The following EPB41L1 variants were observed in gnomAD, a reference collection of about 807,000 sequenced individuals.
The protein encoded by EPB41L1 is erythrocyte membrane protein band 4.1 like 1.
A neutral mutation model predicts 97.8 loss-of-function variants in EPB41L1; 29 were observed. The observed-to-expected ratio is 0.30, with a 90% CI of 0.22 to 0.40. The LOEUF (loss-of-function observed/expected upper bound fraction) is 0.40, where lower values mean the gene tolerates loss of function less well. Among genes scored for constraint, EPB41L1 ranks in the 10% least tolerant of loss-of-function variants. The probability of loss-of-function intolerance (pLI) is 1.00; values close to 1 mark genes in which losing one functional copy is unlikely to be tolerated. For missense variants in EPB41L1, 812 were observed against 1,162.3 expected, an observed-to-expected ratio of 0.70 and a Z score of 4.38; for synonymous variants, 383 against 459.2, an observed-to-expected ratio of 0.83 and a Z score of 2.12.
At chr20:36,220,447 C>G (rs1013129093) in intron 19 of EPB41L1, among the ~76,000 whole-genome samples, 16 of 152,062 alleles carry the variant, frequency 1.1e-4, no homozygotes, top group Non-Finnish European at 2.2e-4. Context: ...TTAGGTTGCA[C>G]TGGGGGCAGG....
intron 1 of EPB41L1, among the ~76,000 whole-genome samples, chr20:36,097,026 G>T (rs1438158921): frequency 6.6e-6 from 1 of 152,246 alleles, no homozygotes; most frequent in Non-Finnish European, 1.5e-5. Flanking sequence ...CCCATGCTGG[G>T]CTCTGCTCTA....
intron 1 of EPB41L1, chr20:36,109,632 G>A (rs941980040): frequency 9.9e-5 from 15 of 152,160 alleles, no homozygotes; most frequent in African/African-American, 3.6e-4. Context: ...GGGATTTGGG[G>A]CTGCTTTGTA....
intron 19 of EPB41L1, among the ~76,000 whole-genome samples, chr20:36,221,359 A>G (rs1337217191): frequency 1.3e-5 from 2 of 152,222 alleles, no homozygotes; most frequent in African/African-American, 4.8e-5. Context: ...CATTTCATTC[A>G]TGTGTTCATT....
In EPB41L1 at chr20:36,138,187, A is replaced by T. The variant is rs141306790; in HGVS notation, c.-10+25707A>T. Among the ~76,000 whole-genome samples, 7 of 151,918 alleles carry T rather than the reference A, an allele frequency of 4.6e-5. No homozygotes were observed. In the East Asian group the frequency reaches 1.4e-3, roughly 29 times the overall value. ...CTGCTATGGCCTTGGCTGTACAGAG[A>T]TCTCTTTGACACCTTGCTTTCAATT... On this transcript the variant is annotated intron_variant, in intron 2 of 19. Coordinates refer to the EPB41L1 transcript ENST00000202028.
At chr20:36,136,484 T>G (rs2059421611) in intron 2 of EPB41L1, among the ~76,000 whole-genome samples, 1 of 152,062 alleles carries the variant, frequency 6.6e-6, no homozygotes, top group Admixed American at 6.6e-5. Context: ...CTGGTCCATC[T>G]TAACCATTTT....
At position 36,207,921 on chromosome 20, in the gene EPB41L1, G is replaced by T; in HGVS notation, c.1669-1567G>T. 1 of 992,570 alleles carries T rather than the reference G, an allele frequency of 1.0e-6. No individual in the cohort carries two copies. Among genetic ancestry groups the T allele is most frequent in the Non-Finnish European group, 1.3e-6 (1 of 760,190 alleles). The allele number at this position is 992,570 out of a possible 1,614,324, so 61.5% of individuals were successfully genotyped here. A position where few individuals can be genotyped will look rare whatever the true frequency, so the allele number is the denominator to read the frequency against. On this transcript the variant is annotated intron_variant, in intron 14 of 21. Coordinates refer to ENST00000338074, the MANE Select transcript of EPB41L1 (RefSeq NM_012156.2). This position sits in a 1 kb window ranked among gnomAD's most constrained non-coding sequence, Gnocchi z 4.9. ...AGAGGCTGCTTATCCATCCCTGTGA[G>T]TTTTTTCCCTAAACGGGCCTGGGTG...
At chr20:36,108,628 C>A (rs570027592) in intron 1 of EPB41L1, among the ~76,000 whole-genome samples, 1 of 152,072 alleles carries the variant, frequency 6.6e-6, no homozygotes, top group South Asian at 2.1e-4. Context: ...GAGCCAAGAT[C>A]GTGCCACTGC....
chr20:36,219,636 G>A, intron 18 of EPB41L1, 125 bp from the exon 19 acceptor site: 1 of 781,766 alleles, frequency 1.3e-6, no homozygotes, highest in Non-Finnish European at 2.3e-6. Context: ...AATTCTTAAT[G>A]GCTGAAAGCA....
At chr20:36,140,892 G>A (rs763960399) in intron 2 of EPB41L1, among the ~76,000 whole-genome samples, 14 of 152,186 alleles carry the variant, frequency 9.2e-5, no homozygotes, top group Non-Finnish European at 1.9e-4. Flanking sequence ...CAGGTGGAGA[G>A]GGTGGTGCTG....
In EPB41L1 at chr20:36,195,376, G is replaced by C. The variant is rs1181780252; in HGVS notation, c.1485+12G>C. The C allele has an allele frequency of 6.2e-7, 1 of 1,613,772 alleles. No individual in the cohort carries two copies. The highest frequency in any genetic ancestry group is 2.2e-5 in the East Asian group (1 of 44,878). ...GACACAAGCAGGAGGTACTGCATGG[G>C]ACCTGTCCCTCCCTACCCAGCCGTT... On this transcript the variant is annotated intron_variant, in intron 13 of 21. Coordinates refer to ENST00000338074, the MANE Select transcript of EPB41L1 (RefSeq NM_012156.2). The surrounding 1 kb of genome is among the most constrained non-coding windows in gnomAD (Gnocchi z 4.6).
At chr20:36,186,195 C>T (rs1185471503) in intron 7 of EPB41L1, among the ~76,000 whole-genome samples, 2 of 152,154 alleles carry the variant, frequency 1.3e-5, no homozygotes, top group Non-Finnish European at 2.9e-5. Context: ...TGTACAGGTT[C>T]CCCTGGAGAG....
chr20:36,172,978 G>A (rs1014849440), intron 1 of EPB41L1, among the ~76,000 whole-genome samples: 2 of 152,144 alleles, frequency 1.3e-5, no homozygotes, highest in African/African-American at 4.8e-5. Context: ...GCCTATTCCA[G>A]CAGAATAGCT....
chr20:36,209,512 G>A lies in EPB41L1; in HGVS notation c.1693G>A (p.Glu565Lys), dbSNP rs1474353645. ...GAGAGCAGGGCTGAGGGAGGGCTCC[G>A]AGGAGAAAGTCAAACCACCACGTCC... is the stretch of plus-strand genomic sequence containing the variant. ...NERAGLREGS[E>K]EKVKPPRPRA... The change falls in exon 15 of 22, where the codon GAG (glutamate) becomes AAG (lysine). Residue 565 changes from glutamate (E) to lysine (K), a missense_variant. Physicochemically the swap from Glu to Lys is moderately conservative, Grantham distance 56 (BLOSUM62 1). Coordinates refer to ENST00000338074, the MANE Select transcript of EPB41L1 (RefSeq NM_012156.2). This position sits in a 1 kb window ranked among gnomAD's most constrained non-coding sequence, Gnocchi z 4.2. 3.1e-6 allele frequency: 5 copies of A among 1,613,906 alleles called. No homozygotes were observed. Among genetic ancestry groups the A allele is most frequent in the South Asian group, 2.2e-5 (2 of 91,060 alleles).
Position 36,232,579 on chromosome 20 carries a change from C to G in EPB41L1, c.*3239C>G. 2.5e-6 allele frequency: 1 copy of G among 399,042 alleles called. No homozygotes were observed. Among genetic ancestry groups the G allele is most frequent in the East Asian group, 3.6e-5 (1 of 28,080 alleles). The allele number at this position is 399,042 out of a possible 1,614,324, so 24.7% of individuals were successfully genotyped here. A position where few individuals can be genotyped will look rare whatever the true frequency, so the allele number is the denominator to read the frequency against. ...TGAATCCTGCAAGCACATTCCAAGA[C>G]TGGCCTGAAACTGCATGAGCAACAT... On this transcript the variant is annotated 3_prime_UTR_variant, in exon 22 of 22. Coordinates refer to ENST00000338074, the MANE Select transcript of EPB41L1 (RefSeq NM_012156.2).
chr20:36,216,830 G>C (rs562202280), intron 17 of EPB41L1, among the ~76,000 whole-genome samples: 2 of 152,242 alleles, frequency 1.3e-5, no homozygotes, highest in South Asian at 4.1e-4. Flanking sequence ...ATGCAGAGAA[G>C]GGGTCAGGGT....
At chr20:36,218,451 C>G (rs942916068) in intron 17 of EPB41L1, among the ~76,000 whole-genome samples, 60 of 152,246 alleles carry the variant, frequency 3.9e-4, no homozygotes, top group African/African-American at 1.3e-3. Flanking sequence ...TTCATAGGTT[C>G]TGTGTGGGAT....
At chr20:36,105,897 ACC>A (rs1444754860) in intron 1 of EPB41L1, among the ~76,000 whole-genome samples, 1 of 151,938 alleles carries the variant, frequency 6.6e-6, no homozygotes, top group Non-Finnish European at 1.5e-5. Context: ...GGTACCTGCC[ACC>A]TTTTCCCTAT....
intron 13 of EPB41L1, among the ~76,000 whole-genome samples, chr20:36,196,166 C>T (rs112960225): frequency 6.6e-6 from 1 of 152,312 alleles, no homozygotes; most frequent in African/African-American, 2.4e-5. Flanking sequence ...AGAGCCTTGC[C>T]TTGGAGTCCT....
At chr20:36,157,504 C>T (rs550748365) in intron 1 of EPB41L1, among the ~76,000 whole-genome samples, 40 of 152,294 alleles carry the variant, frequency 2.6e-4, no homozygotes, top group African/African-American at 8.9e-4. Flanking sequence ...TCTACCATGA[C>T]ATTTACTGGG....
Sources: gnomAD v4.1 joint callset for allele counts (sites outside exome capture counted in the v4.1 genomes callset) on GRCh38, gnomAD v4.1.1 for gene constraint, Gnocchi (gnomAD v3.1) non-coding constraint, MANE v1.5 for transcripts, NCBI Gene and HGNC (gene_info 2026-07-23, HGNC 2026-07-21) for gene names.